The following ETV6 variants were observed in gnomAD, a reference collection of about 807,000 sequenced individuals.
ETV6 encodes the protein ETS variant transcription factor 6.
In ETV6, 16 loss-of-function variants were observed where a neutral mutation model predicts 51.1. That is an observed-to-expected ratio of 0.31 (90% CI 0.21 to 0.48). ETV6 has a LOEUF of 0.48. Ranked by LOEUF, ETV6 falls within the 20% of genes least tolerant of loss-of-function variation. ETV6 has a pLI of 0.99. For missense variants in ETV6, 458 were observed against 594.8 expected (o/e 0.77, Z 2.39); for synonymous variants, 240 against 224.1 (o/e 1.07, Z -0.64).
At chr12:11,699,756 T>G (rs1591617309) in intron 1 of ETV6, among the ~76,000 whole-genome samples, 2 of 152,148 alleles carry the variant, frequency 1.3e-5, no homozygotes, top group South Asian at 4.1e-4. Context: ...GGCCACCCTC[T>G]GTGTTATGTA....
chr12:11,851,890 G>A (rs1336445610), intron 3 of ETV6, among the ~76,000 whole-genome samples: 2 of 152,090 alleles, frequency 1.3e-5, no homozygotes, highest in Admixed American at 6.5e-5. Flanking sequence ...AAATTAATAT[G>A]GAACGTTTCT....
intron 1 of ETV6, among the ~76,000 whole-genome samples, chr12:11,700,053 T>C (rs890418435): frequency 1.3e-5 from 2 of 152,200 alleles, no homozygotes; most frequent in African/African-American, 4.8e-5. Context: ...TAGGATGCCC[T>C]GGGCCATTTT....
Position 11,892,619 on chromosome 12 carries a change from C to T in ETV6, c.*1573C>T, listed in dbSNP as rs911941148. The T allele has an allele frequency of 1.3e-5, 3 of 232,646 alleles. No homozygotes were observed. The highest frequency in any genetic ancestry group is 2.5e-5 in the Non-Finnish European group (3 of 117,912). The allele number at this position is 232,646 out of a possible 1,614,324, so 14.4% of individuals were successfully genotyped here. On this transcript the variant is annotated 3_prime_UTR_variant, in exon 8 of 8. Coordinates refer to ENST00000396373, the MANE Select transcript of ETV6 (RefSeq NM_001987.5). ...TCCAGATTACACCTGCCTTACAAAG[C>T]ACCCCCTCCTTGTTCCCCTCTGTTT...
rs759560185 is a variant in ETV6 at position 11,869,568 on chromosome 12, C to T, written c.608C>T (p.Ser203Phe). 2 of 1,614,104 alleles carry T rather than the reference C, an allele frequency of 1.2e-6. No homozygotes were observed. The highest frequency in any genetic ancestry group is 1.7e-6 in the Non-Finnish European group (2 of 1,180,000). ...GACCCCGAGCAGCGGCCCCTCCGGTCCCCCCTGGACAACATGATCCGCCGC... is the reference window on the plus strand; with the variant it reads ...GACCCCGAGCAGCGGCCCCTCCGGTTCCCCCTGGACAACATGATCCGCCGC... ...SPDPEQRPLR[S>F]PLDNMIRRLS... is the part of the protein sequence containing the mutation. The change falls in exon 5 of 8, where the codon TCC becomes TTC. Residue 203 changes from serine (S) to phenylalanine (F), a missense_variant. Physicochemically the swap from Ser to Phe is radical, Grantham distance 155 (BLOSUM62 -2). Transcript: ENST00000396373. The surrounding 1 kb of genome is among the most constrained non-coding windows in gnomAD (Gnocchi z 5.0).
intron 2 of ETV6, among the ~76,000 whole-genome samples, chr12:11,795,334 C>T (rs542611398): frequency 2.6e-5 from 4 of 152,354 alleles, no homozygotes; most frequent in East Asian, 1.9e-4. Context: ...GCCCCAGCAC[C>T]GGGCCTTCCT....
chr12:11,696,696 A>C, intron 1 of ETV6, among the ~76,000 whole-genome samples: 1 of 152,126 alleles, frequency 6.6e-6, no homozygotes, highest in East Asian at 1.9e-4. Context: ...GGGGCCTGTA[A>C]ACCCAGCTAT....
rs544027566 is a variant in ETV6, at chr12:11,778,705, A to C, written c.163+26126A>C. 7.2e-5 allele frequency among the ~76,000 whole-genome samples: 11 copies of C among 152,318 alleles called. No homozygotes were observed. The East Asian group carries it at 1.9e-3, about 27-fold the overall frequency. On this transcript the variant is annotated intron_variant, in intron 2 of 7. Transcript: ENST00000396373. ...TTAGTTTTTCTTTCTTAAAAAAAAA[A>C]TCACTCTTCTTTCAAACACCATTAA...
intron 5 of ETV6, among the ~76,000 whole-genome samples, chr12:11,874,558 GTA>G (rs1946940042): frequency 1.1e-3 from 2 of 1,820 alleles, no homozygotes; most frequent in Non-Finnish European, 2.4e-3. Flanking sequence ...ACATATATGT[GTA>G]TGTGCGTGTG....
At chr12:11,831,156 G>A (rs948210412) in intron 2 of ETV6, among the ~76,000 whole-genome samples, 5 of 152,124 alleles carry the variant, frequency 3.3e-5, no homozygotes, top group Non-Finnish European at 1.5e-5. Flanking sequence ...CGATATTGGG[G>A]ATATTCTCTG....
At chr12:11,846,642 G>C (rs892498572) in intron 3 of ETV6, among the ~76,000 whole-genome samples, 29 of 152,086 alleles carry the variant, frequency 1.9e-4, no homozygotes, top group African/African-American at 6.5e-4. Flanking sequence ...TCTATTTATA[G>C]TAGTTAAAAA....
chr12:11,864,535 C>T (rs541090456), intron 4 of ETV6, among the ~76,000 whole-genome samples: 15 of 152,256 alleles, frequency 9.9e-5, no homozygotes, highest in African/African-American at 2.6e-4. Context: ...TATTCTGTGA[C>T]AAATGAAAAG....
At chr12:11,738,245 C>T (rs1208796043) in intron 1 of ETV6, among the ~76,000 whole-genome samples, 3 of 149,320 alleles carry the variant, frequency 2.0e-5, no homozygotes, top group Non-Finnish European at 3.0e-5. Context: ...TCCTTCCCTC[C>T]TTCCCTCCTT....
At chr12:11,755,581 C>A (rs1434176814) in intron 2 of ETV6, among the ~76,000 whole-genome samples, 2 of 152,144 alleles carry the variant, frequency 1.3e-5, no homozygotes, top group African/African-American at 2.4e-5. Flanking sequence ...TTGAGAGGAG[C>A]ATATAGCCCC....
intron 1 of ETV6, among the ~76,000 whole-genome samples, chr12:11,671,127 GC>G (rs879907004): frequency 2.0e-5 from 3 of 152,084 alleles, no homozygotes; most frequent in Admixed American, 6.6e-5. Context: ...GGTAAGGTTG[GC>G]AGGGCGGGGA....
At position 11,651,356 on chromosome 12, in the gene ETV6, G is replaced by C. The variant is rs1168570499; in HGVS notation, c.33+1196G>C. Among the ~76,000 whole-genome samples, 4 of 152,188 alleles carry C rather than the reference G, an allele frequency of 2.6e-5. No homozygotes were observed. In the East Asian group the frequency reaches 7.7e-4, roughly 29 times the overall value. ...TGCCTTTCAATTAGAGTCTGTGTAG[G>C]GGAAACGCAGTAGTTCATCATACGT... On this transcript the variant is annotated intron_variant, in intron 1 of 7. Transcript: ENST00000396373.
chr12:11,746,370 T>C (rs965662553), intron 1 of ETV6, among the ~76,000 whole-genome samples: 2 of 152,310 alleles, frequency 1.3e-5, no homozygotes, highest in South Asian at 2.1e-4. Flanking sequence ...AGTTTCCTCA[T>C]TGCGGAATGG....
chr12:11,690,387 C>A (rs1211696329), intron 1 of ETV6, among the ~76,000 whole-genome samples: 1 of 151,874 alleles, frequency 6.6e-6, no homozygotes, highest in Non-Finnish European at 1.5e-5. Flanking sequence ...ACTTTATATG[C>A]AAAGAATGGG....
intron 1 of ETV6, among the ~76,000 whole-genome samples, chr12:11,652,842 C>G (rs530296718): frequency 2.6e-5 from 4 of 152,150 alleles, no homozygotes; most frequent in Non-Finnish European, 2.9e-5. Context: ...ATGTGGTGGT[C>G]GCTCGCAATG....
chr12:11,690,182 C>G (rs1864726247), intron 1 of ETV6, among the ~76,000 whole-genome samples: 1 of 150,880 alleles, frequency 6.6e-6, no homozygotes, highest in Non-Finnish European at 1.5e-5. Context: ...ATGCACCCTT[C>G]TTGTCTCCTT....
Sources: gnomAD v4.1 joint callset for allele counts (sites outside exome capture counted in the v4.1 genomes callset) on GRCh38, gnomAD v4.1.1 for gene constraint, Gnocchi (gnomAD v3.1) non-coding constraint, MANE v1.5 for transcripts, NCBI Gene and HGNC (gene_info 2026-07-23, HGNC 2026-07-21) for gene names.